USP53: variants seen among roughly 807,000 people sequenced by gnomAD.
USP53 encodes the protein ubiquitin carboxyl-terminal hydrolase 53.
USP53 carries 71 observed loss-of-function variants against 94.9 expected under a neutral mutation model. That is an observed-to-expected ratio of 0.75 (90% CI 0.62 to 0.91). USP53 has a LOEUF of 0.91. Ranked by LOEUF, USP53 falls within the 40% of genes least tolerant of loss-of-function variation. The pLI is 0.00. For missense variants in USP53, 1,173 were observed against 1,281.0 expected (o/e 0.92, Z 1.29); for synonymous variants, 375 against 422.7 (o/e 0.89, Z 1.39).
chr4:119,278,420 A>G lies in USP53; in HGVS notation c.2251+4712A>G, dbSNP rs1055895720. Among the ~76,000 whole-genome samples the G allele has an allele frequency of 4.5e-3, 651 of 145,252 alleles. 15 individuals are homozygous for G. The highest frequency in any genetic ancestry group is 0.042 in the Admixed American group (611 of 14,454). On this transcript the variant is annotated intron_variant, in intron 17 of 18. Transcript: ENST00000692078. ...AAATTCTTTTCTTTAAGAATGTTGAATATTGGCCCCCACTCTCTTCTGGCT... is the reference window on the plus strand; with the variant it reads ...AAATTCTTTTCTTTAAGAATGTTGAGTATTGGCCCCCACTCTCTTCTGGCT...
intron 7 of USP53, among the ~76,000 whole-genome samples, chr4:119,253,376 ACTTGCTTCATGAAT>A (rs1254568753): frequency 6.6e-6 from 1 of 152,136 alleles, no homozygotes; most frequent in African/African-American, 2.4e-5. Context: ...AAATCTAAGG[ACTTGCTTCATGAAT>A]CTGGGTGCTC....
Position 119,247,036 on chromosome 4 carries a change from C to A in USP53, c.237+1607C>A, listed in dbSNP as rs183552461. Among the ~76,000 whole-genome samples the A allele has an allele frequency of 1.7e-3, 258 of 151,802 alleles. 1 individual carries two copies. Among genetic ancestry groups the A allele is most frequent in the Non-Finnish European group, 2.5e-3 (171 of 67,928 alleles). On this transcript the variant is annotated intron_variant, in intron 6 of 18. Transcript: ENST00000692078. Reference sequence around the variant, plus strand: ...TCACCAAAGGAAGAAATTTTATATTCTCTTTTTTTAAGAACATGGCCAAAT... The same window carrying A: ...TCACCAAAGGAAGAAATTTTATATTATCTTTTTTTAAGAACATGGCCAAAT...
chr4:119,253,485 C>T (rs1749325085), intron 7 of USP53, among the ~76,000 whole-genome samples: 1 of 152,082 alleles, frequency 6.6e-6, no homozygotes, highest in Admixed American at 6.6e-5. Context: ...TCTTCTTTGT[C>T]TCTTTTGATC....
chr4:119,219,130 A>G (rs1371669480), intron 3 of USP53: 1 of 150,804 alleles, frequency 6.6e-6, no homozygotes, highest in African/African-American at 2.4e-5. Context: ...ATAAAAGAAC[A>G]AAGAGTCTCA....
At chr4:119,246,063 C>T (rs1216019962) in intron 6 of USP53, among the ~76,000 whole-genome samples, 4 of 152,010 alleles carry the variant, frequency 2.6e-5, no homozygotes, top group African/African-American at 7.2e-5. Flanking sequence ...ATATGGGTGG[C>T]GATGGCAGGA....
chr4:119,292,524 T>C lies in USP53; in HGVS notation c.2535T>C (p.Val845=), dbSNP rs1397588208. 6.2e-7 allele frequency: 1 copy of C among 1,613,956 alleles called. No homozygotes were observed. Among genetic ancestry groups the C allele is most frequent in the Admixed American group, 1.7e-5 (1 of 59,988 alleles). Residue 845 remains valine, a synonymous_variant, in exon 19 of 19, where the codon GTT becomes GTC. Transcript: ENST00000692078. ...AGAGAACAGGTTTGCCTTTTCACGT[T>C]GATAACTCTGCTTCTGGGAAGAGAG... The part of the protein sequence containing the change: ...NSERTGLPFH[V]DNSASGKRVN...
At position 119,269,773 on chromosome 4, in the gene USP53, C is replaced by T; in HGVS notation, c.1371C>T (p.Asn457=). Residue 457 remains asparagine, a synonymous_variant, in exon 15 of 19, where the codon AAC becomes AAT. Coordinates refer to ENST00000692078, the MANE Select transcript of USP53 (RefSeq NM_001371395.1). ...ECALKAIEQK[N]LLSSQRKDLE... Reference sequence around the variant, plus strand: ...CTCTGAAAGCTATTGAACAGAAAAACTTACTTTCTTCACAAAGGAAAGATT... The same window carrying T: ...CTCTGAAAGCTATTGAACAGAAAAATTTACTTTCTTCACAAAGGAAAGATT... The T allele has an allele frequency of 6.6e-7, 1 of 1,515,790 alleles. No homozygotes were observed. Among genetic ancestry groups the T allele is most frequent in the Non-Finnish European group, 8.8e-7 (1 of 1,132,542 alleles). The allele number at this position is 1,515,790 out of a possible 1,614,324, so 93.9% of individuals were successfully genotyped here.
chr4:119,291,166 CT>C lies in USP53; in HGVS notation c.2256del (p.Phe752LeufsTer25). 1.1e-6 allele frequency: 1 copy of C among 935,386 alleles called. No individual in the cohort carries two copies. Among genetic ancestry groups the C allele is most frequent in the Non-Finnish European group, 1.5e-6 (1 of 648,052 alleles). The allele number at this position is 935,386 out of a possible 1,614,324, so 57.9% of individuals were successfully genotyped here. A position where few individuals can be genotyped will look rare whatever the true frequency, so the allele number is the denominator to read the frequency against. ...SLQSQHHLEGFRKELRNLEAG... is the reference protein window; with the variant it reads ...SLQSQHHLEGXRKELRNLEAG... Reference sequence around the variant, plus strand: ...TCTCCCCACCCCACCCAACCCTAGGCTTTAGAAAAGAACTCAGGAATTTGGA... The same window carrying C: ...TCTCCCCACCCCACCCAACCCTAGGCTTAGAAAAGAACTCAGGAATTTGGA... On this transcript the variant is annotated frameshift_variant and splice_region_variant, in exon 18 of 19. Coordinates refer to ENST00000692078, the MANE Select transcript of USP53 (RefSeq NM_001371395.1). LOFTEE classifies it high-confidence loss of function.
At chr4:119,281,818 T>C (rs926011720) in intron 17 of USP53, among the ~76,000 whole-genome samples, 1 of 152,166 alleles carries the variant, frequency 6.6e-6, no homozygotes, top group Non-Finnish European at 1.5e-5. Context: ...TGGTAAAATA[T>C]GTATAGCCAA....
At chr4:119,242,348 T>G (rs1747657319) in intron 5 of USP53, among the ~76,000 whole-genome samples, 1 of 152,204 alleles carries the variant, frequency 6.6e-6, no homozygotes, top group Non-Finnish European at 1.5e-5. Context: ...CTTTTAAACT[T>G]TGTTAGGCGG....
At chr4:119,260,412 A>G in intron 10 of USP53, 95 bp from the exon 11 acceptor site, 1 of 1,033,980 alleles carries the variant, frequency 9.7e-7, no homozygotes, top group Non-Finnish European at 1.3e-6. Context: ...TAAATTGCAG[A>G]TATGTGTTAA....
chr4:119,239,895 G>T lies in USP53; in HGVS notation c.136G>T (p.Ala46Ser), dbSNP rs775459006. 4.4e-5 allele frequency: 70 copies of T among 1,588,316 alleles called. No individual in the cohort carries two copies. The highest frequency in any genetic ancestry group is 5.8e-5 in the Non-Finnish European group (68 of 1,169,414). ...ACAAAACAGCTGCTTTCTTAATAGC[G>T]CTGTACAGGTGAGACCATAATTACT... ...PGQNSCFLNSAVQVLWQLDIF... is the reference protein window; with the variant it reads ...PGQNSCFLNSSVQVLWQLDIF... The change falls in exon 5 of 19, where the codon GCT (alanine) becomes TCT (serine). Residue 46 changes from alanine (A) to serine (S), a missense_variant. Transcript: ENST00000692078.
chr4:119,248,870 T>A lies in USP53; in HGVS notation c.360T>A (p.Ala120=). 6.2e-7 allele frequency: 1 copy of A among 1,614,106 alleles called. No homozygotes were observed. The highest frequency in any genetic ancestry group is 8.5e-7 in the Non-Finnish European group (1 of 1,180,022). The part of the protein sequence containing the change: ...QRFQLGLMDD[A]AECFENMLER... ...TTCAACTTGGCCTTATGGATGATGCTGCGGAGTGCTTTGTAAGTGTTTCTG... is the reference window on the plus strand; with the variant it reads ...TTCAACTTGGCCTTATGGATGATGCAGCGGAGTGCTTTGTAAGTGTTTCTG... Residue 120 remains alanine, a synonymous_variant, in exon 7 of 19, where the codon GCT becomes GCA. Coordinates refer to ENST00000692078, the MANE Select transcript of USP53 (RefSeq NM_001371395.1).
chr4:119,277,858 C>T (rs1335254197), intron 17 of USP53, among the ~76,000 whole-genome samples: 1 of 115,326 alleles, frequency 8.7e-6, no homozygotes, highest in African/African-American at 3.1e-5. Flanking sequence ...TATGTAATGG[C>T]CTTCTTTGTC....
At chr4:119,225,542 C>G (rs544800312) in intron 3 of USP53, among the ~76,000 whole-genome samples, 188 of 152,094 alleles carry the variant, frequency 1.2e-3, no homozygotes, top group Non-Finnish European at 2.3e-3. Flanking sequence ...GTCCAGAGAT[C>G]AAGACCATCC....
At chr4:119,275,945 T>C (rs1267190838) in intron 17 of USP53, among the ~76,000 whole-genome samples, 7 of 148,686 alleles carry the variant, frequency 4.7e-5, no homozygotes, top group African/African-American at 1.7e-4. Flanking sequence ...TGTACATTGA[T>C]TTTGTATCCT....
At chr4:119,219,112 C>T (rs1744178694) in intron 3 of USP53, 2 of 152,020 alleles carry the variant, frequency 1.3e-5, no homozygotes, top group Admixed American at 1.3e-4. Flanking sequence ...TCAAAAAAAT[C>T]CATACACATA....
At chr4:119,235,962 A>T (rs1043525571) in intron 4 of USP53, among the ~76,000 whole-genome samples, 2 of 152,186 alleles carry the variant, frequency 1.3e-5, no homozygotes, top group African/African-American at 4.8e-5. Context: ...ACAATTTATT[A>T]TTCCTTAAGG....
intron 13 of USP53, among the ~76,000 whole-genome samples, chr4:119,267,849 GTT>G (rs1280579464): frequency 6.6e-6 from 1 of 152,216 alleles, no homozygotes; most frequent in East Asian, 1.9e-4. Flanking sequence ...ATCCGCTTAA[GTT>G]TTAAGTAACT....
Sources: allele counts gnomAD v4.1 joint callset (sites outside exome capture counted in the v4.1 genomes callset), GRCh38; gene constraint gnomAD v4.1.1; transcripts MANE v1.5; gene names NCBI Gene and HGNC (gene_info 2026-07-23, HGNC 2026-07-21).